The following ASCC1 variants were observed in gnomAD, a reference collection of about 807,000 sequenced individuals.
ASCC1 encodes the protein activating signal cointegrator 1 complex subunit 1.
A neutral mutation model predicts 46.6 loss-of-function variants in ASCC1; 35 were observed. The observed-to-expected ratio is 0.75, with a 90% CI of 0.57 to 0.99. ASCC1 has a LOEUF of 0.99. ASCC1 is among the 50% of genes least tolerant of loss of function. The pLI, the probability that ASCC1 is intolerant of heterozygous loss-of-function variation, is 0.00. For missense variants in ASCC1, 376 were observed against 428.7 expected (o/e 0.88, Z 1.09); for synonymous variants, 143 against 146.6 (o/e 0.98, Z 0.18).
At chr10:72,143,148 G>A (rs999301391) in intron 7 of ASCC1, among the ~76,000 whole-genome samples, 4 of 143,380 alleles carry the variant, frequency 2.8e-5, no homozygotes, top group Non-Finnish European at 4.5e-5. Flanking sequence ...GTGACAGAGC[G>A]AGACTCCGTC....
intron 5 of ASCC1, among the ~76,000 whole-genome samples, chr10:72,194,811 C>T (rs1229767750): frequency 1.3e-5 from 2 of 152,088 alleles, no homozygotes; most frequent in South Asian, 2.1e-4. Flanking sequence ...GGTGCGATCT[C>T]GGCTCACCGC....
rs188873799 is a variant in ASCC1, at chr10:72,140,746, G to A, written c.747-7565C>T. On this transcript the variant is annotated intron_variant, in intron 7 of 9. Transcript: ENST00000672957. ...TTTTATTTTTGTAAGCAAAAACAAT[G>A]TAAAAAGAGGCTTGGCTGTGAAAGG... Among the ~76,000 whole-genome samples the A allele has an allele frequency of 2.3e-3, 343 of 152,268 alleles. 4 individuals are homozygous for A. Among genetic ancestry groups the A allele is most frequent in the Non-Finnish European group, 8.1e-4 (55 of 68,010 alleles).
At chr10:72,164,365 T>C (rs1850079438) in intron 5 of ASCC1, among the ~76,000 whole-genome samples, 1 of 152,210 alleles carries the variant, frequency 6.6e-6, no homozygotes, top group South Asian at 2.1e-4. Flanking sequence ...ATTCTGGATA[T>C]ATTATATAGA....
chr10:72,170,395 T>C (rs997111863), intron 5 of ASCC1, among the ~76,000 whole-genome samples: 1 of 151,926 alleles, frequency 6.6e-6, no homozygotes. Flanking sequence ...AGTCTACTCA[T>C]GAGGAAATGC....
In ASCC1 at chr10:72,163,532, C is replaced by T. The variant is rs12258779; in HGVS notation, c.490-1858G>A. Among the ~76,000 whole-genome samples, 628 of 152,106 alleles carry T rather than the reference C, an allele frequency of 4.1e-3. 9 individuals are homozygous for T. Among genetic ancestry groups the T allele is most frequent in the African/African-American group, 0.014 (563 of 41,500 alleles). On this transcript the variant is annotated intron_variant, in intron 5 of 9. Coordinates refer to ENST00000672957, the MANE Select transcript of ASCC1 (RefSeq NM_001198800.3). ...GGCAGATCACCTGAGGTCAGGAGTT[C>T]GAGACCAGACTGACCAACATGGCAA... is the stretch of plus-strand genomic sequence containing the variant.
intron 7 of ASCC1, among the ~76,000 whole-genome samples, chr10:72,137,242 A>G (rs1846342598): frequency 6.6e-6 from 1 of 151,890 alleles, no homozygotes; most frequent in South Asian, 2.1e-4. Context: ...AAGAAGCAAG[A>G]AACAGGCCAA....
intron 5 of ASCC1, among the ~76,000 whole-genome samples, chr10:72,178,863 C>T (rs1852197199): frequency 6.6e-6 from 1 of 151,966 alleles, no homozygotes; most frequent in Non-Finnish European, 1.5e-5. Context: ...ACGTATTTGA[C>T]ATAAGCTATA....
At chr10:72,149,437 C>CAAAAA (rs11297879) in intron 7 of ASCC1, among the ~76,000 whole-genome samples, 7 of 52,692 alleles carry the variant, frequency 1.3e-4, no homozygotes, top group African/African-American at 1.9e-4. Context: ...GACTCCGTCA[C>CAAAAA]AAAAAAAAAA....
intron 8 of ASCC1, 102 bp downstream of exon 8, chr10:72,132,955 A>C: frequency 6.8e-7 from 1 of 1,470,158 alleles, no homozygotes; most frequent in South Asian, 1.2e-5. Flanking sequence ...TCTAAAAAAG[A>C]AGCTATATCA....
intron 7 of ASCC1, among the ~76,000 whole-genome samples, chr10:72,137,727 C>T (rs181066056): frequency 2.6e-5 from 4 of 152,090 alleles, no homozygotes; most frequent in South Asian, 4.1e-4. Flanking sequence ...AACCTCACCA[C>T]GCAGATAAAC....
chr10:72,112,155 C>A (rs1203470037), intron 9 of ASCC1, among the ~76,000 whole-genome samples: 1 of 152,186 alleles, frequency 6.6e-6, no homozygotes, highest in East Asian at 1.9e-4. Context: ...ATCTCTGGGT[C>A]CAGATTTATA....
chr10:72,102,832 A>C, intron 9 of ASCC1: 1 of 349,482 alleles, frequency 2.9e-6, no homozygotes, highest in Non-Finnish European at 5.6e-6. Flanking sequence ...AAAATTAGCC[A>C]GGCATGGTGG....
intron 9 of ASCC1, among the ~76,000 whole-genome samples, chr10:72,105,785 C>G (rs1842282397): frequency 1.3e-5 from 2 of 152,128 alleles, no homozygotes; most frequent in African/African-American, 4.8e-5. Context: ...TAAGGGCTCA[C>G]TGTGGTTATT....
intron 3 of ASCC1, among the ~76,000 whole-genome samples, chr10:72,209,716 G>A (rs762577649): frequency 1.5e-4 from 23 of 152,120 alleles, no homozygotes; most frequent in Non-Finnish European, 2.9e-4. Flanking sequence ...CCCTGAGGGC[G>A]GAGGTTGCAG....
At chr10:72,130,082 G>A (rs2132261160) in intron 8 of ASCC1, among the ~76,000 whole-genome samples, 1 of 151,224 alleles carries the variant, frequency 6.6e-6, no homozygotes, top group South Asian at 2.1e-4. Context: ...ATTATGCTAA[G>A]TGAAAGCAGC....
intron 9 of ASCC1, among the ~76,000 whole-genome samples, chr10:72,107,719 G>A (rs1842498846): frequency 6.6e-6 from 1 of 152,176 alleles, no homozygotes; most frequent in Non-Finnish European, 1.5e-5. Context: ...GGGCAGACTA[G>A]ACGTTTTTAA....
Position 72,128,158 on chromosome 10 carries a change from C to A in ASCC1, c.881G>T (p.Arg294Met). ...GCCTTCCGCTGTGTAGAGATTGTAC[C>A]TGCCTTCAGCTGTAAATATTCCAAA... ...LFRKDPNAEGRYNLYTAEGKY... is the reference protein window; with the variant it reads ...LFRKDPNAEGMYNLYTAEGKY... The change falls in exon 9 of 10, where the codon AGG becomes ATG. Residue 294 changes from arginine (R) to methionine (M), a missense_variant. Coordinates refer to ENST00000672957, the MANE Select transcript of ASCC1 (RefSeq NM_001198800.3). 6.2e-7 allele frequency: 1 copy of A among 1,612,506 alleles called. No individual in the cohort carries two copies. The highest frequency in any genetic ancestry group is 8.5e-7 in the Non-Finnish European group (1 of 1,178,718).
chr10:72,138,845 C>T (rs960707493), intron 7 of ASCC1, among the ~76,000 whole-genome samples: 1 of 151,716 alleles, frequency 6.6e-6, no homozygotes, highest in Admixed American at 6.6e-5. Flanking sequence ...GGATTACAGG[C>T]GTGAGCCACC....
chr10:72,160,615 C>G (rs1849530040), intron 6 of ASCC1, among the ~76,000 whole-genome samples: 1 of 151,936 alleles, frequency 6.6e-6, no homozygotes, highest in South Asian at 2.1e-4. Context: ...AATCCCAGCA[C>G]TTTTGGAGGC....
Sources: gnomAD v4.1 joint callset for allele counts (sites outside exome capture counted in the v4.1 genomes callset) on GRCh38, gnomAD v4.1.1 for gene constraint, MANE v1.5 for transcripts, NCBI Gene and HGNC (gene_info 2026-07-23, HGNC 2026-07-21) for gene names.